The following ACYP2 variants were observed in gnomAD, a reference collection of about 807,000 sequenced individuals.
The protein encoded by ACYP2 is acylphosphatase 2.
ACYP2 carries 12 observed loss-of-function variants against 11.2 expected under a neutral mutation model. The observed-to-expected ratio is 1.08, with a 90% confidence interval of 0.69 to 1.74. ACYP2 has a LOEUF of 1.74. Ranked by LOEUF, ACYP2 falls within the 40% of genes most tolerant of loss-of-function variation. The probability of loss-of-function intolerance (pLI) is 0.00; values close to 1 mark genes in which losing one functional copy is unlikely to be tolerated. For missense variants in ACYP2, 134 were observed against 101.9 expected, an observed-to-expected ratio of 1.31 and a Z score of -1.35; for synonymous variants, 43 against 32.2, an observed-to-expected ratio of 1.33 and a Z score of -1.13.
intron 6 of ACYP2, among the ~76,000 whole-genome samples, chr2:54,198,556 A>C (rs924067249): frequency 6.6e-6 from 1 of 151,708 alleles, no homozygotes; most frequent in African/African-American, 2.4e-5. Context: ...CAGTCCATCA[A>C]CTTGTCATGG....
At chr2:54,251,250 A>T (rs1045391370) in intron 6 of ACYP2, among the ~76,000 whole-genome samples, 1 of 152,208 alleles carries the variant, frequency 6.6e-6, no homozygotes, top group Non-Finnish European at 1.5e-5. Context: ...GGCCTAGTAA[A>T]TGATCCTATT....
intron 6 of ACYP2, among the ~76,000 whole-genome samples, chr2:54,296,157 C>T (rs1413607012): frequency 6.6e-6 from 1 of 152,162 alleles, no homozygotes; most frequent in African/African-American, 2.4e-5. Flanking sequence ...AAAATGTGAT[C>T]GTTGACATCA....
chr2:54,118,545 A>G (rs1220925136), intron 4 of ACYP2, among the ~76,000 whole-genome samples: 2 of 152,244 alleles, frequency 1.3e-5, no homozygotes, highest in African/African-American at 4.8e-5. Flanking sequence ...TTGATTCTAC[A>G]TCTCTCTGAC....
intron 2 of ACYP2, chr2:53,975,171 G>C (rs1671408539): frequency 2.6e-6 from 1 of 391,670 alleles, no homozygotes; most frequent in Non-Finnish European, 4.5e-6. Flanking sequence ...GTTGCAGTGA[G>C]CTGAGATCAC....
chr2:54,104,200 T>C (rs1025817183), intron 4 of ACYP2, among the ~76,000 whole-genome samples: 3 of 152,224 alleles, frequency 2.0e-5, no homozygotes, highest in African/African-American at 7.2e-5. Context: ...TGATGCTGCC[T>C]GGTGTGGGAC....
At chr2:54,010,908 A>T (rs1179537802) in intron 2 of ACYP2, among the ~76,000 whole-genome samples, 1 of 151,848 alleles carries the variant, frequency 6.6e-6, no homozygotes, top group Non-Finnish European at 1.5e-5. Flanking sequence ...ATCTCAGGTG[A>T]TCTGCCTACC....
At chr2:54,266,068 T>C (rs906399771) in intron 6 of ACYP2, among the ~76,000 whole-genome samples, 3 of 152,212 alleles carry the variant, frequency 2.0e-5, no homozygotes, top group African/African-American at 7.2e-5. Context: ...AGTTCTGTAA[T>C]TGCTGACATA....
chr2:54,146,841 C>T (rs918973955), intron 6 of ACYP2, among the ~76,000 whole-genome samples: 4 of 151,150 alleles, frequency 2.6e-5, no homozygotes, highest in African/African-American at 9.7e-5. Context: ...GTTGCCCAGG[C>T]TAGAGTGCAG....
At chr2:54,000,411 C>G (rs1478973225) in intron 2 of ACYP2, among the ~76,000 whole-genome samples, 3 of 152,190 alleles carry the variant, frequency 2.0e-5, no homozygotes, top group African/African-American at 7.2e-5. Context: ...AATCCATGAT[C>G]TGTAAACATA....
chr2:54,267,344 C>G, intron 6 of ACYP2: 5 of 1,548,642 alleles, frequency 3.2e-6, no homozygotes, highest in Non-Finnish European at 4.4e-6. Context: ...CAAGATAGGG[C>G]AACAGCTAGA....
chr2:54,208,557 A>G (rs1685194146), intron 6 of ACYP2, among the ~76,000 whole-genome samples: 1 of 152,126 alleles, frequency 6.6e-6, no homozygotes, highest in African/African-American at 2.4e-5. Flanking sequence ...TTTGTCCAGA[A>G]GAGCAGGATA....
intron 2 of ACYP2, among the ~76,000 whole-genome samples, chr2:53,976,857 G>A (rs1055648625): frequency 6.6e-6 from 1 of 152,172 alleles, no homozygotes; most frequent in African/African-American, 2.4e-5. Context: ...TAGGCATTCT[G>A]TCATTTCACT....
At chr2:54,019,642 C>T (rs879556608) in intron 2 of ACYP2, among the ~76,000 whole-genome samples, 28 of 141,144 alleles carry the variant, frequency 2.0e-4, no homozygotes, top group Middle Eastern at 3.5e-3. Flanking sequence ...TATTTTGAGA[C>T]GGAGTCTCAC....
At chr2:54,105,123 A>G (rs1193611586) in intron 4 of ACYP2, among the ~76,000 whole-genome samples, 1 of 152,222 alleles carries the variant, frequency 6.6e-6, no homozygotes, top group Non-Finnish European at 1.5e-5. Flanking sequence ...GATTTGCAGC[A>G]TGCAACATAG....
chr2:54,302,092 G>A (rs927951772), intron 6 of ACYP2, among the ~76,000 whole-genome samples: 1 of 152,202 alleles, frequency 6.6e-6, no homozygotes, highest in Non-Finnish European at 1.5e-5. Flanking sequence ...CAAGATACAG[G>A]CAGGTATCTC....
chr2:54,256,176 G>A (rs772986842), intron 6 of ACYP2: 1 of 1,595,016 alleles, frequency 6.3e-7, no homozygotes, highest in Non-Finnish European at 8.6e-7. Flanking sequence ...GGGCAGCAGT[G>A]GGTAGAGGCC....
chr2:54,138,038 AT>A (rs2103781672), intron 5 of ACYP2, among the ~76,000 whole-genome samples: 1 of 152,242 alleles, frequency 6.6e-6, no homozygotes, highest in African/African-American at 2.4e-5. Context: ...GATTGGTGAT[AT>A]TGAGCATTTT....
intron 6 of ACYP2, among the ~76,000 whole-genome samples, chr2:54,231,974 C>T (rs924141183): frequency 6.6e-6 from 1 of 152,164 alleles, no homozygotes; most frequent in Non-Finnish European, 1.5e-5. Context: ...GACCTATGTA[C>T]ATTTTCTTTT....
At chr2:54,094,628 C>T (rs957938167) in intron 4 of ACYP2, among the ~76,000 whole-genome samples, 3 of 152,044 alleles carry the variant, frequency 2.0e-5, no homozygotes, top group Non-Finnish European at 2.9e-5. Context: ...GCCTCTTCCT[C>T]CTGTGCTCAA....
Sources: gnomAD v4.1 joint callset for allele counts (sites outside exome capture counted in the v4.1 genomes callset) on GRCh38, gnomAD v4.1.1 for gene constraint, MANE v1.5 for transcripts, NCBI Gene and HGNC (gene_info 2026-07-23, HGNC 2026-07-21) for gene names.